Variants in AGBL1 observed in about 807,000 individuals in gnomAD.
AGBL1 encodes the protein cytosolic carboxypeptidase 4.
AGBL1 carries 130 observed loss-of-function variants against 118.9 expected under a neutral mutation model. That is an observed-to-expected ratio of 1.09 (90% CI 0.95 to 1.26). AGBL1 has a LOEUF of 1.26. Among genes scored for constraint, AGBL1 ranks in the 50% most tolerant of loss-of-function variants. The pLI, the probability that AGBL1 is intolerant of heterozygous loss-of-function variation, is 0.00. For missense variants in AGBL1, 1,584 were observed against 1,298.1 expected (o/e 1.22, Z -3.38); for synonymous variants, 555 against 478.9 (o/e 1.16, Z -2.08).
chr15:86,891,927 G>A (rs921651802), intron 22 of AGBL1, among the ~76,000 whole-genome samples: 19 of 152,124 alleles, frequency 1.2e-4, no homozygotes, highest in African/African-American at 4.6e-4. Context: ...TTACATGTCT[G>A]AAACATCAAT....
At chr15:86,562,543 G>T (rs2083841426) in intron 21 of AGBL1, among the ~76,000 whole-genome samples, 1 of 152,316 alleles carries the variant, frequency 6.6e-6, no homozygotes, top group Admixed American at 6.5e-5. Context: ...GATTTGCTTT[G>T]CCAGTATTTT....
chr15:86,670,628 A>C (rs868361556), intron 21 of AGBL1, among the ~76,000 whole-genome samples: 3 of 48,462 alleles, frequency 6.2e-5, no homozygotes, highest in East Asian at 1.1e-3. Context: ...CACACACACA[A>C]ACACGCTGTG....
At chr15:86,697,349 G>T (rs2086280416) in intron 22 of AGBL1, among the ~76,000 whole-genome samples, 1 of 151,720 alleles carries the variant, frequency 6.6e-6, no homozygotes, top group African/African-American at 2.4e-5. Context: ...TTGTCTTCCA[G>T]CTCTGAATTC....
intron 22 of AGBL1, among the ~76,000 whole-genome samples, chr15:86,778,663 C>T (rs1362863962): frequency 6.6e-5 from 10 of 152,146 alleles, no homozygotes; most frequent in African/African-American, 2.4e-4. Context: ...CTGAACATTG[C>T]TGTTATCGTG....
At chr15:86,205,877 G>A (rs1205815756) in intron 5 of AGBL1, among the ~76,000 whole-genome samples, 6 of 152,088 alleles carry the variant, frequency 3.9e-5, no homozygotes, top group South Asian at 2.1e-4. Flanking sequence ...TGGGCACAAC[G>A]TGTGGCTTTG....
At chr15:86,767,138 T>C (rs2078107519) in intron 22 of AGBL1, among the ~76,000 whole-genome samples, 1 of 152,028 alleles carries the variant, frequency 6.6e-6, no homozygotes, top group Non-Finnish European at 1.5e-5. Context: ...TGATTAGCTA[T>C]ATAAGTGAAG....
chr15:86,396,480 G>A (rs946711913), intron 17 of AGBL1, among the ~76,000 whole-genome samples: 9 of 151,986 alleles, frequency 5.9e-5, no homozygotes, highest in African/African-American at 2.2e-4. Flanking sequence ...GACTCCCTTT[G>A]CAAAGTGAAG....
At chr15:86,749,685 T>A (rs2141250832) in intron 22 of AGBL1, among the ~76,000 whole-genome samples, 1 of 152,332 alleles carries the variant, frequency 6.6e-6, no homozygotes, top group East Asian at 1.9e-4. Flanking sequence ...GATACATCCA[T>A]CAATACCTAA....
intron 22 of AGBL1, among the ~76,000 whole-genome samples, chr15:86,905,493 G>A (rs1018651158): frequency 2.6e-5 from 4 of 152,144 alleles, no homozygotes; most frequent in Non-Finnish European, 5.9e-5. Context: ...AAATCTACAT[G>A]CATGCTCTTC....
chr15:86,932,083 G>A lies in AGBL1; in HGVS notation c.3222-55904G>A, dbSNP rs2080613260. On this transcript the variant is annotated intron_variant, in intron 23 of 24. Transcript: ENST00000441037. ...TAGCTTGTACAGTTTACTCACGGAG[G>A]AAGTGAGGCTAAAATATAATTAGTT... is the stretch of plus-strand genomic sequence containing the variant. 2.6e-5 allele frequency among the ~76,000 whole-genome samples: 4 copies of A among 152,282 alleles called. No individual in the cohort carries two copies. The South Asian group carries it at 8.3e-4, about 32-fold the overall frequency.
intron 22 of AGBL1, among the ~76,000 whole-genome samples, chr15:86,715,079 A>G (rs1472793960): frequency 6.6e-6 from 1 of 152,142 alleles, no homozygotes; most frequent in Non-Finnish European, 1.5e-5. Context: ...AGACGTGGGA[A>G]TGTAATCTGC....
chr15:86,851,385 G>T lies in AGBL1; in HGVS notation c.3159-55702G>T, dbSNP rs868604404. Among the ~76,000 whole-genome samples, 5 of 152,080 alleles carry T rather than the reference G, an allele frequency of 3.3e-5. No homozygotes were observed. In the South Asian group the frequency reaches 1.0e-3, roughly 32 times the overall value. ...GTAGGAGGGGGCTTTAAACAGTTTT[G>T]ATGGGGGCAAACAGTGAGGACAGAA... On this transcript the variant is annotated intron_variant, in intron 22 of 22. Transcript: ENST00000614907.
intron 22 of AGBL1, among the ~76,000 whole-genome samples, chr15:86,819,368 A>G (rs1453766552): frequency 6.6e-6 from 1 of 152,140 alleles, no homozygotes; most frequent in South Asian, 2.1e-4. Context: ...CATGCTTTGC[A>G]TATATTAATA....
At chr15:86,438,456 C>T (rs998027115) in intron 18 of AGBL1, among the ~76,000 whole-genome samples, 4 of 152,118 alleles carry the variant, frequency 2.6e-5, no homozygotes, top group Non-Finnish European at 5.9e-5. Flanking sequence ...AAATGACCTC[C>T]TTATCCCCCA....
chr15:86,681,766 C>T (rs1335533629), intron 22 of AGBL1, among the ~76,000 whole-genome samples: 1 of 152,126 alleles, frequency 6.6e-6, no homozygotes, highest in African/African-American at 2.4e-5. Context: ...GGTGCTTTCT[C>T]TTCAAGAATT....
intron 23 of AGBL1, among the ~76,000 whole-genome samples, chr15:86,961,291 A>T (rs1396079148): frequency 1.3e-5 from 2 of 152,070 alleles, no homozygotes; most frequent in Non-Finnish European, 2.9e-5. Context: ...AGTACTTATA[A>T]ATCTACCCAG....
chr15:86,530,058 C>T (rs1205392749), intron 19 of AGBL1, among the ~76,000 whole-genome samples: 2 of 129,442 alleles, frequency 1.5e-5, no homozygotes, highest in African/African-American at 4.0e-5. Flanking sequence ...AACTAACGAG[C>T]AAAATCACCA....
intron 17 of AGBL1, among the ~76,000 whole-genome samples, chr15:86,357,790 C>G (rs991624554): frequency 1.3e-5 from 2 of 152,106 alleles, no homozygotes; most frequent in African/African-American, 4.8e-5. Flanking sequence ...AATTTGTGAA[C>G]AATTTTAAAA....
chr15:86,478,065 A>T (rs533749074), intron 18 of AGBL1, among the ~76,000 whole-genome samples: 100 of 152,316 alleles, frequency 6.6e-4, no homozygotes, highest in African/African-American at 2.3e-3. Context: ...TAAATTAGGT[A>T]CTGAAGGGAC....
Sources: allele counts gnomAD v4.1 joint callset (sites outside exome capture counted in the v4.1 genomes callset), GRCh38; gene constraint gnomAD v4.1.1; transcripts MANE v1.5; gene names NCBI Gene and HGNC (gene_info 2026-07-23, HGNC 2026-07-21).